Variants in GIGYF2 observed in about 807,000 individuals in gnomAD.
GIGYF2 encodes the protein GRB10 interacting GYF protein 2, also known as GRB10-interacting GYF protein 2.
In GIGYF2, 25 loss-of-function variants were observed where a neutral mutation model predicts 208.1. That is an observed-to-expected ratio of 0.12 (90% confidence interval 0.09 to 0.17). The LOEUF (loss-of-function observed/expected upper bound fraction) is 0.17, where lower values mean the gene tolerates loss of function less well. Ranked by LOEUF, GIGYF2 falls within the 10% of genes least tolerant of loss-of-function variation. GIGYF2 has a pLI of 1.00. For synonymous variants in GIGYF2, 534 were observed against 543.8 expected (o/e 0.98, Z 0.25); for missense variants, 1,302 against 1,579.4 (o/e 0.82, Z 2.98).
intron 6 of GIGYF2, among the ~76,000 whole-genome samples, chr2:232,759,970 G>C (rs1456448906): frequency 1.3e-5 from 2 of 152,102 alleles, no homozygotes; most frequent in Non-Finnish European, 2.9e-5. Flanking sequence ...AATATACCCT[G>C]TATGGCATTC....
At chr2:232,841,866 C>A (rs1701826963) in intron 23 of GIGYF2, among the ~76,000 whole-genome samples, 1 of 152,068 alleles carries the variant, frequency 6.6e-6, no homozygotes, top group East Asian at 1.9e-4. Context: ...TCTCCCAGGA[C>A]TGATTTTGAT....
chr2:232,822,819 T>G (rs919124500), intron 21 of GIGYF2, among the ~76,000 whole-genome samples: 3 of 152,218 alleles, frequency 2.0e-5, no homozygotes, highest in Admixed American at 6.5e-5. Context: ...AATAGTATTT[T>G]TGTTGATTCC....
chr2:232,739,005 C>G lies in GIGYF2; in HGVS notation c.41+3767C>G, dbSNP rs114794425. On this transcript the variant is annotated intron_variant, in intron 3 of 28. Coordinates refer to ENST00000373563, the MANE Select transcript of GIGYF2 (RefSeq NM_001103146.3). ...GTTTTTTTGTTGTTAGTTTCATTAA[C>G]AAAATAAACACACTTATTCTAGAAA... Among the ~76,000 whole-genome samples the G allele has an allele frequency of 5.2e-3, 787 of 152,056 alleles. 4 individuals are homozygous for G. The highest frequency in any genetic ancestry group is 0.018 in the African/African-American group (762 of 41,484).
chr2:232,843,337 AT>A, intron 23 of GIGYF2, among the ~76,000 whole-genome samples: 1 of 151,912 alleles, frequency 6.6e-6, no homozygotes, highest in Non-Finnish European at 1.5e-5. Flanking sequence ...AGGCGGGTGG[AT>A]TACAAGGTCA....
intron 22 of GIGYF2, among the ~76,000 whole-genome samples, chr2:232,835,378 C>G (rs1701551926): frequency 6.6e-6 from 1 of 152,124 alleles, no homozygotes; most frequent in African/African-American, 2.4e-5. Flanking sequence ...TCCTTTACTA[C>G]TTTAGTTATA....
At position 232,727,593 on chromosome 2, in the gene GIGYF2, G is replaced by C. The variant is rs138645018; in HGVS notation, c.-43-7562G>C. On this transcript the variant is annotated intron_variant, in intron 2 of 28. Transcript: ENST00000373563. ...AGAATGTGGTGAGAATAGTACCTCAGGGGGAGAAAACTAGAGTCAGTGAAT... is the reference window on the plus strand; with the variant it reads ...AGAATGTGGTGAGAATAGTACCTCACGGGGAGAAAACTAGAGTCAGTGAAT... 2.2e-4 allele frequency among the ~76,000 whole-genome samples: 33 copies of C among 152,258 alleles called. No homozygotes were observed. The East Asian group carries it at 6.0e-3, about 28-fold the overall frequency.
chr2:232,771,899 T>C (rs1440396531), intron 8 of GIGYF2, among the ~76,000 whole-genome samples: 1 of 152,186 alleles, frequency 6.6e-6, no homozygotes, highest in Non-Finnish European at 1.5e-5. Flanking sequence ...AGATTTAGTA[T>C]AGGACAAGGC....
chr2:232,798,639 T>C (rs1474673615), intron 14 of GIGYF2, among the ~76,000 whole-genome samples: 1 of 152,212 alleles, frequency 6.6e-6, no homozygotes, highest in Non-Finnish European at 1.5e-5. Flanking sequence ...ACTGGGGTTT[T>C]AAATTTACAT....
In GIGYF2 at chr2:232,769,175, C is replaced by T. The variant is rs537325684; in HGVS notation, c.532+7739C>T. Among the ~76,000 whole-genome samples the T allele has an allele frequency of 1.1e-3, 168 of 152,206 alleles. 3 individuals carry two copies. In the Middle Eastern group the frequency reaches 0.014, roughly 12 times the overall value. ...ATGCAACTTGGCTACAGCCAGATTA[C>T]GTTGAAGTAGAGACTAGGTTCAGAG... is the stretch of plus-strand genomic sequence containing the variant. On this transcript the variant is annotated intron_variant, in intron 8 of 28. Transcript: ENST00000373563.
chr2:232,813,193 T>TC (rs1700789372), intron 18 of GIGYF2, among the ~76,000 whole-genome samples: 1 of 147,578 alleles, frequency 6.8e-6, no homozygotes, highest in African/African-American at 2.5e-5. Context: ...CTTTCTTTTT[T>TC]TTTTTTTTTT....
At position 232,794,881 on chromosome 2, in the gene GIGYF2, T is replaced by C. The variant is rs1700178313; in HGVS notation, c.1416T>C (p.Ala472=). Residue 472 remains alanine (A), a synonymous_variant, in exon 13 of 29, where the codon GCT becomes GCC. Coordinates refer to ENST00000373563, the MANE Select transcript of GIGYF2 (RefSeq NM_001103146.3). ...LRPVETPVVG[A]PGMGSVSTEP... ...CAGTTGAAACACCAGTTGTAGGTGC[T>C]CCTGGTATGGGCAGTGTTTCCACAG... 1 of 1,613,642 alleles carries C rather than the reference T, an allele frequency of 6.2e-7. No individual in the cohort carries two copies. Among genetic ancestry groups the C allele is most frequent in the Non-Finnish European group, 8.5e-7 (1 of 1,179,670 alleles).
intron 2 of GIGYF2, among the ~76,000 whole-genome samples, chr2:232,723,077 G>A (rs995665183): frequency 6.6e-6 from 1 of 152,050 alleles, no homozygotes; most frequent in African/African-American, 2.4e-5. Flanking sequence ...CTACCTCAGC[G>A]TCAGTGCTGG....
chr2:232,784,820 TGTGATCGCCA>T (rs1699860173), intron 8 of GIGYF2, among the ~76,000 whole-genome samples: 1 of 152,202 alleles, frequency 6.6e-6, no homozygotes, highest in East Asian at 1.9e-4. Context: ...CATGTTGAAA[TGTGATCGCCA>T]GTGTTGGAGG....
At chr2:232,825,257 C>G (rs1163461257) in intron 21 of GIGYF2, among the ~76,000 whole-genome samples, 1 of 152,120 alleles carries the variant, frequency 6.6e-6, no homozygotes, top group Non-Finnish European at 1.5e-5. Flanking sequence ...GGTAGTGATT[C>G]CTCTGATGGA....
At position 232,839,884 on chromosome 2, in the gene GIGYF2, T is replaced by C. The variant is rs748133937; in HGVS notation, c.2802T>C (p.Asn934=). ...PSSSTWGQQS[N]TTACQSQATL... ...CTTCAACGTGGGGCCAGCAGTCCAATACAACAGCATGTCAGTCCCAGGCCA... is the reference window on the plus strand; with the variant it reads ...CTTCAACGTGGGGCCAGCAGTCCAACACAACAGCATGTCAGTCCCAGGCCA... The change falls in exon 23 of 29, where the codon AAT becomes AAC. Residue 934 remains asparagine (N), a synonymous_variant. Coordinates refer to ENST00000373563, the MANE Select transcript of GIGYF2 (RefSeq NM_001103146.3). 3.1e-6 allele frequency: 5 copies of C among 1,613,842 alleles called. No homozygotes were observed. The highest frequency in any genetic ancestry group is 3.4e-6 in the Non-Finnish European group (4 of 1,179,822).
chr2:232,745,441 C>T (rs1698116330), intron 3 of GIGYF2, among the ~76,000 whole-genome samples: 1 of 151,902 alleles, frequency 6.6e-6, no homozygotes, highest in Admixed American at 6.6e-5. Flanking sequence ...GAAGAGTCTC[C>T]CACTCTTCAA....
chr2:232,839,917 G>C lies in GIGYF2; in HGVS notation c.2835G>C (p.Ser945=). 1 of 1,614,014 alleles carries C rather than the reference G, an allele frequency of 6.2e-7. No individual in the cohort carries two copies. The highest frequency in any genetic ancestry group is 1.1e-5 in the South Asian group (1 of 91,090). ...TTACQSQATL[S]LAEIQKLEEE... is the part of the protein sequence containing the mutation. ...CATGTCAGTCCCAGGCCACGCTGTC[G>C]TTGGCTGAAATCCAAAAACTAGAGG... Residue 945 remains serine, a synonymous_variant, in exon 23 of 29, where the codon TCG becomes TCC. Transcript: ENST00000373563.
chr2:232,850,359 G>A lies in GIGYF2; in HGVS notation c.3782G>A (p.Gly1261Asp). The A allele has an allele frequency of 6.2e-7, 1 of 1,614,076 alleles. No individual in the cohort carries two copies. Among genetic ancestry groups the A allele is most frequent in the Non-Finnish European group, 8.5e-7 (1 of 1,179,956 alleles). The stretch of plus-strand genomic sequence containing the variant: ...TCCAATTTTGAGGCTGTGCAGAGTG[G>A]CAAGAAGAAGAAAAAGCAGAAGATG... ...QQSNFEAVQS[G>D]KKKKKQKMVR... Residue 1261 changes from glycine to aspartate, a missense_variant, in exon 28 of 29, where the codon GGC (glycine) becomes GAC (aspartate). Around this residue, in one of 8 missense-constraint regions of GIGYF2, gnomAD observed 25 missense variants for 53.7 expected, o/e 0.47. Coordinates refer to ENST00000373563, the MANE Select transcript of GIGYF2 (RefSeq NM_001103146.3).
At chr2:232,834,512 T>A (rs909547544) in intron 22 of GIGYF2, among the ~76,000 whole-genome samples, 1 of 152,238 alleles carries the variant, frequency 6.6e-6, no homozygotes, top group Non-Finnish European at 1.5e-5. Context: ...CTATGACGTG[T>A]CTGTTTGTGG....
Sources: gnomAD v4.1 joint callset for allele counts (sites outside exome capture counted in the v4.1 genomes callset) on GRCh38, gnomAD v4.1.1 for gene constraint, gnomAD v4.1.1 regional missense constraint, MANE v1.5 for transcripts, NCBI Gene and HGNC (gene_info 2026-07-23, HGNC 2026-07-21) for gene names.